SLC18B1: variants seen among roughly 807,000 people sequenced by gnomAD.
SLC18B1 encodes the protein solute carrier family 18 member B1, also known as MFS-type transporter SLC18B1.
SLC18B1 carries 62 observed loss-of-function variants against 53.9 expected under a neutral mutation model. The ratio of observed to expected loss-of-function variants is 1.15; its 90% CI spans 0.94 to 1.42. The LOEUF is 1.42. SLC18B1 is among the 40% of genes most tolerant of loss of function. The pLI is 0.00. For missense variants in SLC18B1, 598 were observed against 547.3 expected, an observed-to-expected ratio of 1.09 and a Z score of -0.93; for synonymous variants, 217 against 200.9, an observed-to-expected ratio of 1.08 and a Z score of -0.68.
chr6:132,787,624 CTT>C (rs5880140), intron 4 of SLC18B1, 43 bp from the exon 5 acceptor site: 2,626 of 1,194,758 alleles, frequency 2.2e-3, no homozygotes, highest in South Asian at 5.5e-3. Context: ...AGCTGGTTTT[CTT>C]TTTTTTTTTT....
In SLC18B1 at chr6:132,789,844, T is replaced by C; in HGVS notation, c.280-7A>G. The C allele has an allele frequency of 1.2e-6, 2 of 1,601,454 alleles. No individual in the cohort carries two copies. Among genetic ancestry groups the C allele is most frequent in the Non-Finnish European group, 1.7e-6 (2 of 1,168,806 alleles). On this transcript the variant is annotated splice_polypyrimidine_tract_variant and splice_region_variant and intron_variant, in intron 3 of 13. Coordinates refer to ENST00000275227, the MANE Select transcript of SLC18B1 (RefSeq NM_052831.3). ...TTGCTCCAATATGTACAAGCTATAA[T>C]AAATGTCAAAGAAGAGTGGTAAATT...
rs1332430725 is a variant in SLC18B1, at chr6:132,770,234, A to G, written c.*36T>C. ...GTGATGTTTAAGGCCAGGAGCATTC[A>G]TTTCTCAACCTTGTATCAATCCAGG... On this transcript the variant is annotated 3_prime_UTR_variant, in exon 14 of 14. Coordinates refer to ENST00000275227, the MANE Select transcript of SLC18B1 (RefSeq NM_052831.3). The G allele has an allele frequency of 1.3e-6, 2 of 1,571,050 alleles. No individual in the cohort carries two copies. The highest frequency in any genetic ancestry group is 2.2e-5 in the South Asian group (2 of 89,488).
At chr6:132,783,008 C>A (rs1292898306) in intron 6 of SLC18B1, among the ~76,000 whole-genome samples, 2 of 152,044 alleles carry the variant, frequency 1.3e-5, no homozygotes, top group East Asian at 3.9e-4. Context: ...CTCCTGACCT[C>A]AGGTGATCTG....
At chr6:132,772,556 T>A (rs1562261699) in intron 10 of SLC18B1, among the ~76,000 whole-genome samples, 2 of 152,156 alleles carry the variant, frequency 1.3e-5, no homozygotes, top group South Asian at 4.1e-4. Context: ...AGTTCCTTAT[T>A]CCCATGAGAA....
intron 8 of SLC18B1, 52 bp downstream of exon 8, chr6:132,776,276 C>A (rs1781096452): frequency 7.1e-7 from 1 of 1,411,030 alleles, no homozygotes. Context: ...AGTTGGAAAA[C>A]CACTGCTCTA....
At chr6:132,773,197 C>T (rs1180904470) in intron 9 of SLC18B1, 109 bp from the exon 10 acceptor site, 15 of 630,002 alleles carry the variant, frequency 2.4e-5, no homozygotes, top group East Asian at 1.4e-4. Context: ...GTTATTTCAC[C>T]GATTATGTGC....
At chr6:132,775,952 C>T (rs182472496) in intron 8 of SLC18B1, among the ~76,000 whole-genome samples, 1 of 152,178 alleles carries the variant, frequency 6.6e-6, no homozygotes, top group African/African-American at 2.4e-5. Flanking sequence ...GCCTATAATC[C>T]CAGCTACCTA....
intron 10 of SLC18B1, 131 bp downstream of exon 10, chr6:132,772,862 C>T (rs748841092): frequency 2.6e-5 from 16 of 620,796 alleles, no homozygotes; most frequent in Non-Finnish European, 3.8e-5. Flanking sequence ...ATATCATATG[C>T]TACAAAATCA....
chr6:132,796,928 T>A, intron 2 of SLC18B1, 54 bp downstream of exon 2: 1 of 1,549,136 alleles, frequency 6.5e-7, no homozygotes, highest in Non-Finnish European at 8.7e-7. Flanking sequence ...AAAAGGCTTT[T>A]AAAAAACAAA....
rs751741978 is a variant in SLC18B1 at position 132,783,963 on chromosome 6, G to A, written c.628C>T (p.Pro210Ser). 6.2e-7 allele frequency: 1 copy of A among 1,604,882 alleles called. No individual in the cohort carries two copies. Among genetic ancestry groups the A allele is most frequent in the Admixed American group, 1.7e-5 (1 of 58,316 alleles). Residue 210 changes from proline (P) to serine (S), a missense_variant, in exon 6 of 14, where the codon CCA becomes TCA. Pro to Ser is a moderately conservative substitution (Grantham distance 74). Transcript: ENST00000275227. ...TTGGGTAAAATATACATATTGAGTG[G>A]TACCATCAGCAAAACGACGCATCCC... ...VLGCVVLLMV[P>S]LNMYILPNYE...
At chr6:132,783,450 A>G (rs1208050938) in intron 6 of SLC18B1, among the ~76,000 whole-genome samples, 1 of 152,252 alleles carries the variant, frequency 6.6e-6, no homozygotes, top group Admixed American at 6.5e-5. Context: ...CTCTGTGATT[A>G]CAGGCATGAG....
chr6:132,781,446 C>T lies in SLC18B1; in HGVS notation c.659-2042G>A, dbSNP rs140080047. ...CTTACACAAAATCTAGTCCAGTGAT[C>T]GAGAAGGTTTAGAAAAACTCCCCAG... On this transcript the variant is annotated intron_variant, in intron 6 of 13. Transcript: ENST00000275227. Among the ~76,000 whole-genome samples the T allele has an allele frequency of 6.5e-3, 981 of 151,860 alleles. 5 individuals carry two copies. Among genetic ancestry groups the T allele is most frequent in the Middle Eastern group, 0.014 (4 of 290 alleles).
At chr6:132,788,889 C>A (rs1781453294) in intron 4 of SLC18B1, among the ~76,000 whole-genome samples, 1 of 133,670 alleles carries the variant, frequency 7.5e-6, no homozygotes. Flanking sequence ...AGAAAGCACC[C>A]AGTTTCGATC....
chr6:132,770,304 T>G lies in SLC18B1; in HGVS notation c.1337A>C (p.Glu446Ala), dbSNP rs1780936216. 2.5e-6 allele frequency: 4 copies of G among 1,613,902 alleles called. No homozygotes were observed. The highest frequency in any genetic ancestry group is 2.2e-5 in the East Asian group (1 of 44,880). The change falls in exon 14 of 14, where the codon GAG (glutamate) becomes GCG (alanine). Residue 446 changes from glutamate to alanine, a missense_variant. By Grantham distance (107) the Glu-to-Ala change is moderately radical. Transcript: ENST00000275227. ...SKSQNILSTEEERTTLLPNET is the reference protein window; with the variant it reads ...SKSQNILSTEAERTTLLPNET ...ATTAGGCAAGAGAGTAGTTCGTTCC[T>G]CCTCTGTGCTGAGGATGTTTTGAGA...
intron 10 of SLC18B1, 64 bp downstream of exon 10, chr6:132,772,929 A>G: frequency 8.3e-7 from 1 of 1,200,828 alleles, no homozygotes; most frequent in East Asian, 2.4e-5. Context: ...GAGAAATTCA[A>G]GAAAGCCTGT....
intron 2 of SLC18B1, among the ~76,000 whole-genome samples, chr6:132,796,354 C>CAAAAAAAAAAAAAAAA (rs780737208): frequency 7.2e-4 from 32 of 44,698 alleles, no homozygotes; most frequent in African/African-American, 3.1e-3. Flanking sequence ...GACTCCATCT[C>CAAAAAAAAAAAAAAAA]AAAAAAAAAA....
At chr6:132,779,850 G>A (rs549015309) in intron 6 of SLC18B1, among the ~76,000 whole-genome samples, 5 of 152,300 alleles carry the variant, frequency 3.3e-5, no homozygotes, top group East Asian at 1.9e-4. Context: ...GGTGGAAGAC[G>A]AAGGAAGAGT....
chr6:132,778,682 G>T (rs569649892), intron 7 of SLC18B1, among the ~76,000 whole-genome samples: 27 of 152,158 alleles, frequency 1.8e-4, no homozygotes, highest in African/African-American at 4.8e-4. Context: ...ACCACACCTG[G>T]TAATGGACTT....
chr6:132,776,524 C>T, intron 7 of SLC18B1, 95 bp from the exon 8 acceptor site: 1 of 804,550 alleles, frequency 1.2e-6, no homozygotes, highest in Non-Finnish European at 2.0e-6. Flanking sequence ...CTCTTATTAC[C>T]ATGAGTCTAC....
Sources: gnomAD v4.1 joint callset for allele counts (sites outside exome capture counted in the v4.1 genomes callset) on GRCh38, gnomAD v4.1.1 for gene constraint, MANE v1.5 for transcripts, NCBI Gene and HGNC (gene_info 2026-07-23, HGNC 2026-07-21) for gene names.